The following WASHC4 variants were observed in gnomAD, a reference collection of about 807,000 sequenced individuals.
WASHC4 encodes WASH complex subunit 4, also known as WASH complex subunit 7.
WASHC4 carries 86 observed loss-of-function variants against 166.6 expected under a neutral mutation model. The observed-to-expected ratio is 0.52, with a 90% CI of 0.43 to 0.62. WASHC4 has a LOEUF of 0.62. Among genes scored for constraint, WASHC4 ranks in the 20% least tolerant of loss-of-function variants. The pLI is 0.00. For synonymous variants in WASHC4, 446 were observed against 451.6 expected, an observed-to-expected ratio of 0.99 and a Z score of 0.16; for missense variants, 1,262 against 1,382.4, an observed-to-expected ratio of 0.91 and a Z score of 1.38.
chr12:105,137,851 T>A (rs1474236533), intron 14 of WASHC4, 35 bp from the exon 15 acceptor site: 1 of 1,565,620 alleles, frequency 6.4e-7, no homozygotes, highest in Non-Finnish European at 8.8e-7. Context: ...AAGAAAATCT[T>A]TCCTTGTGAT....
chr12:105,127,919 A>G (rs1196822), intron 13 of WASHC4, among the ~76,000 whole-genome samples: 56,635 of 152,006 alleles, frequency 0.37, 11,352 homozygotes, highest in Middle Eastern at 0.55. Context: ...AGAAAATAGT[A>G]TAAAGAGCCC....
intron 24 of WASHC4, chr12:105,147,538 G>A: frequency 1.1e-6 from 1 of 935,382 alleles, no homozygotes; most frequent in Non-Finnish European, 1.3e-6. Context: ...TGCCCTTTTT[G>A]GGGCAGGGTT....
At chr12:105,163,325 G>C (rs1176583449) in intron 30 of WASHC4, among the ~76,000 whole-genome samples, 1 of 152,078 alleles carries the variant, frequency 6.6e-6, no homozygotes, top group African/African-American at 2.4e-5. Context: ...GACGATACTT[G>C]TTTTCTGTAG....
At chr12:105,124,827 T>A (rs1356959469) in intron 10 of WASHC4, among the ~76,000 whole-genome samples, 1 of 152,306 alleles carries the variant, frequency 6.6e-6, no homozygotes, top group East Asian at 1.9e-4. Flanking sequence ...TAATTCTTCC[T>A]AGGCCCAGGG....
Position 105,168,066 on chromosome 12 carries a change from A to C in WASHC4, c.*1135A>C, listed in dbSNP as rs555787734. On this transcript the variant is annotated 3_prime_UTR_variant, in exon 33 of 33. Coordinates refer to ENST00000332180, the MANE Select transcript of WASHC4 (RefSeq NM_015275.3). The stretch of plus-strand genomic sequence containing the variant: ...GAAGACAAAAGTTTAAAACTTTCTA[A>C]TACAAACACCATTTTGGGAAATGCT... 2.6e-5 allele frequency: 4 copies of C among 152,260 alleles called. No homozygotes were observed. The South Asian group carries it at 8.3e-4, about 31-fold the overall frequency. 9.4% of individuals were successfully genotyped at this position (152,260 alleles called of 1,614,324 possible).
At chr12:105,143,102 A>G (rs775497325) in intron 19 of WASHC4, 25 bp from the exon 20 acceptor site, 4 of 1,440,238 alleles carry the variant, frequency 2.8e-6, no homozygotes, top group South Asian at 1.1e-5. Flanking sequence ...TTCTAAATTC[A>G]TGTACATTTT....
chr12:105,110,990 T>G, intron 1 of WASHC4, 135 bp from the exon 2 acceptor site: 1 of 678,612 alleles, frequency 1.5e-6, no homozygotes, highest in East Asian at 2.7e-5. Flanking sequence ...ACTTTGGAAC[T>G]TTATTTTCAG....
chr12:105,139,467 C>G (rs1326418094), intron 15 of WASHC4, among the ~76,000 whole-genome samples: 1 of 83,926 alleles, frequency 1.2e-5, no homozygotes, highest in Non-Finnish European at 2.6e-5. Context: ...ATGCCTCCCA[C>G]AATACATTAG....
Position 105,168,508 on chromosome 12 carries a change from T to C in WASHC4, c.*1577T>C, listed in dbSNP as rs986240039. The C allele has an allele frequency of 6.6e-6, 1 of 152,580 alleles. No homozygotes were observed. Among genetic ancestry groups the C allele is most frequent in the Admixed American group, 6.5e-5 (1 of 15,290 alleles). The allele number at this position is 152,580 out of a possible 1,614,324, so 9.5% of individuals were successfully genotyped here. A position where few individuals can be genotyped will look rare whatever the true frequency, so the allele number is the denominator to read the frequency against. ...GTCATTTCATAGCAACAGTATTGTT[T>C]TCTCTGTTTTTCTTCTCTAACTTCT... is the stretch of plus-strand genomic sequence containing the variant. On this transcript the variant is annotated 3_prime_UTR_variant, in exon 33 of 33. Transcript: ENST00000332180.
chr12:105,111,394 T>C, intron 2 of WASHC4, 130 bp downstream of exon 2: 1 of 656,898 alleles, frequency 1.5e-6, no homozygotes, highest in Non-Finnish European at 2.5e-6. Flanking sequence ...TTGGAGAAAA[T>C]TGTTAATTTC....
chr12:105,107,925 T>C, intron 1 of WASHC4, 64 bp downstream of exon 1: 2 of 1,236,756 alleles, frequency 1.6e-6, no homozygotes, highest in Non-Finnish European at 2.3e-6. Flanking sequence ...TGTTCTGGGC[T>C]GGGCAGCGCT....
chr12:105,134,785 T>C (rs1209133748), intron 14 of WASHC4, among the ~76,000 whole-genome samples: 2 of 152,086 alleles, frequency 1.3e-5, no homozygotes, highest in South Asian at 2.1e-4. Context: ...TGTTTTTTTT[T>C]CTTCATAGTA....
At chr12:105,112,085 C>T (rs1345915033) in intron 2 of WASHC4, among the ~76,000 whole-genome samples, 1 of 38,538 alleles carries the variant, frequency 2.6e-5, no homozygotes, top group Non-Finnish European at 6.5e-5. Context: ...AGGCAACCAC[C>T]AGTCAATCTA....
intron 26 of WASHC4, among the ~76,000 whole-genome samples, chr12:105,153,082 A>G (rs1883893961): frequency 6.6e-6 from 1 of 152,236 alleles, no homozygotes; most frequent in South Asian, 2.1e-4. Context: ...AGAGAAACTT[A>G]GAGAAAGAAG....
intron 13 of WASHC4, among the ~76,000 whole-genome samples, chr12:105,131,390 T>G (rs544777122): frequency 1.7e-4 from 26 of 152,340 alleles, no homozygotes; most frequent in African/African-American, 6.3e-4. Flanking sequence ...CCGGCCTGTT[T>G]TTATATATTT....
At chr12:105,160,237 C>G in intron 29 of WASHC4, 89 bp downstream of exon 29, 2 of 1,022,734 alleles carry the variant, frequency 2.0e-6, no homozygotes, top group Non-Finnish European at 3.0e-6. Flanking sequence ...GAAATGCATA[C>G]AGACTACACT....
chr12:105,123,597 A>G (rs1431769305), intron 10 of WASHC4, among the ~76,000 whole-genome samples: 1 of 152,226 alleles, frequency 6.6e-6, no homozygotes, highest in East Asian at 1.9e-4. Flanking sequence ...GGGAAGCTGT[A>G]GAAGAAAAAT....
intron 26 of WASHC4, chr12:105,154,979 C>A (rs1425204759): frequency 6.6e-6 from 1 of 152,298 alleles, no homozygotes; most frequent in Middle Eastern, 3.4e-3. Context: ...TTGTTAAAAA[C>A]ATAAGATAAT....
intron 10 of WASHC4, among the ~76,000 whole-genome samples, chr12:105,125,297 T>TG (rs1329506200): frequency 1.3e-5 from 2 of 152,176 alleles, no homozygotes; most frequent in Non-Finnish European, 2.9e-5. Context: ...GAAAAAAACT[T>TG]GCAGACAAAT....
Sources: allele counts gnomAD v4.1 joint callset (sites outside exome capture counted in the v4.1 genomes callset), GRCh38; gene constraint gnomAD v4.1.1; transcripts MANE v1.5; gene names NCBI Gene and HGNC (gene_info 2026-07-23, HGNC 2026-07-21).